GFRA1: variants seen among roughly 807,000 people sequenced by gnomAD.
The protein encoded by GFRA1 is GDNF family receptor alpha 1, also known as GDNF family receptor alpha-1.
In GFRA1, 16 loss-of-function variants were observed where a neutral mutation model predicts 51.6. The ratio of observed to expected loss-of-function variants is 0.31; its 90% confidence interval spans 0.21 to 0.47. The LOEUF (loss-of-function observed/expected upper bound fraction) is 0.47. Ranked by LOEUF, GFRA1 falls within the 20% of genes least tolerant of loss-of-function variation. The pLI, the probability that GFRA1 is intolerant of heterozygous loss-of-function variation, is 1.00. For missense variants in GFRA1, 530 were observed against 594.3 expected (o/e 0.89, Z 1.13); for synonymous variants, 270 against 241.3 (o/e 1.12, Z -1.10).
chr10:116,125,387 T>C lies in GFRA1; in HGVS notation c.604A>G (p.Lys202Glu). The change falls in exon 6 of 11, where the codon AAG (lysine) becomes GAG (glutamate). Residue 202 changes from lysine (K) to glutamate (E), a missense_variant. Lys to Glu is a moderately conservative substitution (Grantham distance 56, BLOSUM62 1). Coordinates refer to ENST00000355422, the MANE Select transcript of GFRA1 (RefSeq NM_005264.8). ...CHKALRQFFD[K>E]VPAKHSYGML... ...CCGTAGCTGTGCTTGGCCGGGACCT[T>C]GTCAAAGAACTGCCGGAGGGCCTTG... 4 of 1,614,250 alleles carry C rather than the reference T, an allele frequency of 2.5e-6. No individual in the cohort carries two copies. Among genetic ancestry groups the C allele is most frequent in the East Asian group, 2.2e-5 (1 of 44,880 alleles).
At chr10:116,070,104 C>T (rs1955309757) in intron 9 of GFRA1, among the ~76,000 whole-genome samples, 1 of 152,152 alleles carries the variant, frequency 6.6e-6, no homozygotes, top group African/African-American at 2.4e-5. Flanking sequence ...GTTGCCCAAT[C>T]CAATAGCAAC....
At chr10:116,146,836 A>C (rs1958820988) in intron 5 of GFRA1, among the ~76,000 whole-genome samples, 1 of 152,224 alleles carries the variant, frequency 6.6e-6, no homozygotes, top group South Asian at 2.1e-4. Flanking sequence ...ATTGCAGTTA[A>C]ATCTCTCACT....
At chr10:116,133,845 T>C (rs1217958362) in intron 5 of GFRA1, among the ~76,000 whole-genome samples, 1 of 152,220 alleles carries the variant, frequency 6.6e-6, no homozygotes, top group African/African-American at 2.4e-5. Flanking sequence ...GTGTCAGGGA[T>C]GAATTATGTC....
intron 6 of GFRA1, among the ~76,000 whole-genome samples, chr10:116,113,168 GC>G (rs2133974744): frequency 7.2e-6 from 1 of 138,210 alleles, no homozygotes; most frequent in African/African-American, 2.8e-5. Flanking sequence ...TAAAAACAAT[GC>G]CACACTTCTC....
chr10:116,205,133 C>T (rs1481894709), intron 5 of GFRA1, among the ~76,000 whole-genome samples: 1 of 152,182 alleles, frequency 6.6e-6, no homozygotes, highest in Non-Finnish European at 1.5e-5. Flanking sequence ...TCATTTAATG[C>T]TGTCATTGAC....
At chr10:116,248,995 C>T (rs1392394399) in intron 4 of GFRA1, among the ~76,000 whole-genome samples, 1 of 152,186 alleles carries the variant, frequency 6.6e-6, no homozygotes, top group Non-Finnish European at 1.5e-5. Flanking sequence ...CAGTTCCTAA[C>T]CAGCTAAAGA....
chr10:116,207,876 CAG>C (rs1032815132), intron 5 of GFRA1, among the ~76,000 whole-genome samples: 38 of 152,214 alleles, frequency 2.5e-4, no homozygotes, highest in African/African-American at 8.9e-4. Flanking sequence ...CCCGAGACAG[CAG>C]AGACTCTTGA....
chr10:116,176,893 C>T (rs549526223), intron 5 of GFRA1, among the ~76,000 whole-genome samples: 19 of 152,280 alleles, frequency 1.2e-4, no homozygotes, highest in African/African-American at 1.7e-4. Flanking sequence ...CAGTGGCAGA[C>T]GCTGCAGTGG....
chr10:116,117,557 G>GGATGGGTGGA (rs1555152575), intron 6 of GFRA1, among the ~76,000 whole-genome samples: 3 of 97,348 alleles, frequency 3.1e-5, no homozygotes, highest in Admixed American at 2.2e-4. Context: ...GGGTGGGTGT[G>GGATGGGTGGA]TGGATGGATG....
intron 5 of GFRA1, among the ~76,000 whole-genome samples, chr10:116,129,855 T>C (rs1272233747): frequency 6.6e-6 from 1 of 151,962 alleles, no homozygotes. Flanking sequence ...TCAGAGTATT[T>C]AGGATTTTTT....
intron 5 of GFRA1, 36 bp from the exon 6 acceptor site, chr10:116,125,593 G>A (rs770287267): frequency 2.0e-6 from 3 of 1,511,600 alleles, no homozygotes; most frequent in South Asian, 2.3e-5. Flanking sequence ...TGGTCACAGT[G>A]CTCGGCTCTG....
rs149612128 is a variant in GFRA1, at chr10:116,133,852, T to C, written c.434-8295A>G. Among the ~76,000 whole-genome samples the C allele has an allele frequency of 4.6e-5, 7 of 152,328 alleles. No homozygotes were observed. In the East Asian group the frequency reaches 1.4e-3, roughly 29 times the overall value. On this transcript the variant is annotated intron_variant, in intron 5 of 10. Coordinates refer to ENST00000355422, the MANE Select transcript of GFRA1 (RefSeq NM_005264.8). ...ATGTGGAAGTGTCAGGGATGAATTATGTCATGGGAGAAGCTTTCATATTCT... is the reference window on the plus strand; with the variant it reads ...ATGTGGAAGTGTCAGGGATGAATTACGTCATGGGAGAAGCTTTCATATTCT...
chr10:116,211,673 G>A, intron 4 of GFRA1, 28 bp from the exon 5 acceptor site: 1 of 1,535,346 alleles, frequency 6.5e-7, no homozygotes, highest in Non-Finnish European at 8.8e-7. Flanking sequence ...AAGTAGGGGA[G>A]GGGAGAGGGG....
At chr10:116,224,192 A>G (rs1966119944) in intron 4 of GFRA1, among the ~76,000 whole-genome samples, 1 of 152,234 alleles carries the variant, frequency 6.6e-6, no homozygotes, top group Non-Finnish European at 1.5e-5. Context: ...AAAGATAATG[A>G]CAAGTGCTGG....
At chr10:116,075,755 T>G (rs1243128179) in intron 9 of GFRA1, among the ~76,000 whole-genome samples, 2 of 151,922 alleles carry the variant, frequency 1.3e-5, no homozygotes, top group African/African-American at 4.8e-5. Context: ...TCTATTATCT[T>G]TTTTTTTGAG....
At chr10:116,270,014 A>C (rs1843772355) in intron 3 of GFRA1, among the ~76,000 whole-genome samples, 1 of 152,188 alleles carries the variant, frequency 6.6e-6, no homozygotes, top group Non-Finnish European at 1.5e-5. Flanking sequence ...TAAACAGCCC[A>C]CCTCTGAAAC....
intron 6 of GFRA1, among the ~76,000 whole-genome samples, chr10:116,097,196 T>G (rs1220084727): frequency 2.6e-5 from 4 of 152,214 alleles, no homozygotes; most frequent in Non-Finnish European, 4.4e-5. Flanking sequence ...GGCATCAAAA[T>G]AGGATCCTAC....
In GFRA1 at chr10:116,265,660, G is replaced by A. The variant is rs1259860497; in HGVS notation, c.418+3843C>T. Among the ~76,000 whole-genome samples, 4 of 152,172 alleles carry A rather than the reference G, an allele frequency of 2.6e-5. No homozygotes were observed. The East Asian group carries it at 5.8e-4, about 22-fold the overall frequency. ...AAGAGCAGAGATCTCGGCCGGGAGAGATGCAGATGCTAAACAGTGCATTGC... is the reference window on the plus strand; with the variant it reads ...AAGAGCAGAGATCTCGGCCGGGAGAAATGCAGATGCTAAACAGTGCATTGC... On this transcript the variant is annotated intron_variant, in intron 4 of 10. Transcript: ENST00000355422.
Position 116,062,086 on chromosome 10 carries a change from A to G in GFRA1, c.*2312T>C, listed in dbSNP as rs916478567. On this transcript the variant is annotated 3_prime_UTR_variant, in exon 11 of 11. Transcript: ENST00000355422. ...TAATTTATATATTGCCTACCCATGC[A>G]TTCTTCAATGAAGGCTGCCCTTGTT... 34 of 398,604 alleles carry G rather than the reference A, an allele frequency of 8.5e-5. No homozygotes were observed. The highest frequency in any genetic ancestry group is 5.9e-4 in the African/African-American group (29 of 48,754). The allele number at this position is 398,604 out of a possible 1,614,324, so 24.7% of individuals were successfully genotyped here.
Sources: gnomAD v4.1 joint callset for allele counts (sites outside exome capture counted in the v4.1 genomes callset) on GRCh38, gnomAD v4.1.1 for gene constraint, MANE v1.5 for transcripts, NCBI Gene and HGNC (gene_info 2026-07-23, HGNC 2026-07-21) for gene names.